Variants in BMPR1B observed in about 807,000 individuals in gnomAD.
BMPR1B encodes the protein bone morphogenetic protein receptor type 1B.
BMPR1B carries 12 observed loss-of-function variants against 59.1 expected under a neutral mutation model. The ratio of observed to expected loss-of-function variants is 0.20; its 90% CI spans 0.13 to 0.33. The LOEUF (loss-of-function observed/expected upper bound fraction) is 0.33, where lower values mean the gene tolerates loss of function less well. BMPR1B is among the 10% of genes least tolerant of loss of function. The pLI, the probability that BMPR1B is intolerant of heterozygous loss-of-function variation, is 1.00. For synonymous variants in BMPR1B, 237 were observed against 207.3 expected, an observed-to-expected ratio of 1.14 and a Z score of -1.23; for missense variants, 550 against 610.9, an observed-to-expected ratio of 0.90 and a Z score of 1.05.
At chr4:95,088,424 G>A (rs1297342794) in intron 3 of BMPR1B, among the ~76,000 whole-genome samples, 11 of 152,050 alleles carry the variant, frequency 7.2e-5, no homozygotes, top group Admixed American at 4.6e-4. Context: ...TGTGAAATGA[G>A]AAGAGAAATA....
At chr4:94,978,166 T>C (rs948286898) in intron 2 of BMPR1B, among the ~76,000 whole-genome samples, 6 of 152,256 alleles carry the variant, frequency 3.9e-5, no homozygotes, top group African/African-American at 1.4e-4. Context: ...TTTTTTATTA[T>C]AGCACTCACT....
chr4:95,008,648 CAAAT>C (rs1723016457), intron 3 of BMPR1B, among the ~76,000 whole-genome samples: 1 of 151,790 alleles, frequency 6.6e-6, no homozygotes, highest in Admixed American at 6.6e-5. Context: ...AATAAAGAAA[CAAAT>C]TAATTAATTC....
intron 12 of BMPR1B, among the ~76,000 whole-genome samples, chr4:95,153,239 C>T (rs774405693): frequency 1.7e-4 from 26 of 152,024 alleles, no homozygotes; most frequent in Non-Finnish European, 3.4e-4. Flanking sequence ...ATAAGGATGA[C>T]GAGATGTGAT....
intron 2 of BMPR1B, among the ~76,000 whole-genome samples, chr4:94,945,999 A>G (rs1302795912): frequency 6.6e-6 from 1 of 152,118 alleles, no homozygotes; most frequent in East Asian, 1.9e-4. Flanking sequence ...AAAATTTTGC[A>G]GAGTATTCTA....
At chr4:94,920,742 TA>T (rs1165324334) in intron 2 of BMPR1B, among the ~76,000 whole-genome samples, 1 of 152,200 alleles carries the variant, frequency 6.6e-6, no homozygotes, top group African/African-American at 2.4e-5. Flanking sequence ...TTTCAGAGAA[TA>T]CTCACTTCAT....
intron 2 of BMPR1B, among the ~76,000 whole-genome samples, chr4:94,914,353 A>C (rs941216638): frequency 1.3e-5 from 2 of 152,192 alleles, no homozygotes; most frequent in African/African-American, 4.8e-5. Context: ...TTGGGTTGGA[A>C]TATATAGGCC....
chr4:94,910,031 C>G (rs1012976211), intron 2 of BMPR1B, among the ~76,000 whole-genome samples: 1 of 151,606 alleles, frequency 6.6e-6, no homozygotes, highest in Non-Finnish European at 1.5e-5. Context: ...TTTAAAAGAG[C>G]GAGACTCCGT....
intron 1 of BMPR1B, among the ~76,000 whole-genome samples, chr4:94,836,227 C>T (rs1323206475): frequency 6.6e-6 from 1 of 151,192 alleles, no homozygotes; most frequent in African/African-American, 2.4e-5. Flanking sequence ...CATACATGTG[C>T]ATGTGTCTTT....
chr4:94,895,699 G>A (rs1727558865), intron 2 of BMPR1B, among the ~76,000 whole-genome samples: 1 of 151,122 alleles, frequency 6.6e-6, no homozygotes, highest in South Asian at 2.1e-4. Context: ...GCTCTATATA[G>A]CATATAATTA....
intron 11 of BMPR1B, 63 bp downstream of exon 11, chr4:95,148,986 A>G (rs945933382): frequency 3.0e-5 from 47 of 1,587,344 alleles, no homozygotes; most frequent in Non-Finnish European, 3.6e-5. Context: ...TTTCTTTCTG[A>G]TCAGAAATCA....
At chr4:95,036,962 G>A (rs1044145307) in intron 3 of BMPR1B, among the ~76,000 whole-genome samples, 2 of 152,082 alleles carry the variant, frequency 1.3e-5, no homozygotes, top group African/African-American at 4.8e-5. Flanking sequence ...TGGTGCTGCT[G>A]TTGCCTTTCG....
intron 1 of BMPR1B, among the ~76,000 whole-genome samples, chr4:94,821,706 T>A (rs1374037874): frequency 6.6e-6 from 1 of 152,230 alleles, no homozygotes; most frequent in African/African-American, 2.4e-5. Context: ...ATACAAGTGT[T>A]AAATTCGATG....
chr4:94,873,861 C>T (rs1726606155), intron 1 of BMPR1B, among the ~76,000 whole-genome samples: 1 of 152,160 alleles, frequency 6.6e-6, no homozygotes, highest in African/African-American at 2.4e-5. Context: ...TATTGTGCAA[C>T]AGATTTCCAG....
intron 8 of BMPR1B, among the ~76,000 whole-genome samples, chr4:95,127,044 C>CTGTGTGTGTGTGTGTGTGTGTGTGTGTG (rs6148578): frequency 3.4e-5 from 5 of 146,472 alleles, no homozygotes; most frequent in African/African-American, 5.0e-5. Context: ...AGAATTAAGA[C>CTGTGTGTGTGTGTGTGTGTGTGTGTGTG]TGTGTGTGTG....
chr4:94,815,958 A>G (rs1226631657), intron 1 of BMPR1B, among the ~76,000 whole-genome samples: 1 of 152,186 alleles, frequency 6.6e-6, no homozygotes, highest in East Asian at 1.9e-4. Flanking sequence ...ATATTATCCT[A>G]AAAAATGAAT....
intron 3 of BMPR1B, among the ~76,000 whole-genome samples, chr4:95,050,533 A>G (rs1726422923): frequency 6.6e-6 from 1 of 152,142 alleles, no homozygotes. Flanking sequence ...ACCTAGAGGA[A>G]TAGTGCTGGG....
intron 2 of BMPR1B, among the ~76,000 whole-genome samples, chr4:94,903,074 T>C (rs1004379157): frequency 5.3e-5 from 8 of 152,026 alleles, no homozygotes; most frequent in Admixed American, 3.3e-4. Context: ...TCATAGCCTG[T>C]TAGTTTATGT....
At chr4:94,972,687 C>T (rs769906756) in intron 2 of BMPR1B, among the ~76,000 whole-genome samples, 18 of 151,800 alleles carry the variant, frequency 1.2e-4, no homozygotes, top group Non-Finnish European at 2.1e-4. Flanking sequence ...GGAAAGAGTA[C>T]GAACTTTAGA....
chr4:95,019,337 T>C (rs574471039), intron 3 of BMPR1B, among the ~76,000 whole-genome samples: 1 of 152,290 alleles, frequency 6.6e-6, no homozygotes, highest in South Asian at 2.1e-4. Context: ...AGAATAATGT[T>C]TTCTCTGGAA....
Sources: gnomAD v4.1 joint callset for allele counts (sites outside exome capture counted in the v4.1 genomes callset) on GRCh38, gnomAD v4.1.1 for gene constraint, MANE v1.5 for transcripts, NCBI Gene and HGNC (gene_info 2026-07-23, HGNC 2026-07-21) for gene names.